Variants in GRIN2B observed in about 807,000 individuals in gnomAD.
GRIN2B encodes glutamate receptor ionotropic, NMDA 2B.
GRIN2B carries 5 observed loss-of-function variants against 114.5 expected under a neutral mutation model. That is an observed-to-expected ratio of 0.04 (90% CI 0.02 to 0.09). The LOEUF is 0.09. GRIN2B is among the 10% of genes least tolerant of loss of function. The pLI is 1.00. For missense variants in GRIN2B, 1,108 were observed against 1,943.5 expected, an observed-to-expected ratio of 0.57 and a Z score of 8.08; for synonymous variants, 787 against 745.1, an observed-to-expected ratio of 1.06 and a Z score of -0.92.
chr12:13,684,108 C>T (rs57887802), intron 4 of GRIN2B, among the ~76,000 whole-genome samples: 23 of 152,128 alleles, frequency 1.5e-4, no homozygotes, highest in Non-Finnish European at 3.1e-4. Context: ...TTTGTTCTTA[C>T]TATGATTAGT....
At chr12:13,895,592 G>T (rs189662175) in intron 2 of GRIN2B, among the ~76,000 whole-genome samples, 31 of 152,248 alleles carry the variant, frequency 2.0e-4, no homozygotes, top group Middle Eastern at 3.4e-3. Flanking sequence ...AGAAGTTCTT[G>T]AGAAATGACA....
At chr12:13,722,272 T>A (rs1003312023) in intron 4 of GRIN2B, among the ~76,000 whole-genome samples, 2 of 152,076 alleles carry the variant, frequency 1.3e-5, no homozygotes, top group African/African-American at 4.8e-5. Context: ...GGTTTTTTAA[T>A]ATATAGAATG....
chr12:13,900,178 T>C (rs1379916394), intron 2 of GRIN2B, among the ~76,000 whole-genome samples: 3 of 152,084 alleles, frequency 2.0e-5, no homozygotes, highest in Admixed American at 6.5e-5. Flanking sequence ...AATATACATA[T>C]AAAAAGTTAA....
At chr12:13,846,874 T>A (rs1375025510) in intron 3 of GRIN2B, among the ~76,000 whole-genome samples, 6 of 151,698 alleles carry the variant, frequency 4.0e-5, no homozygotes, top group Non-Finnish European at 4.4e-5. Context: ...CTAGGAACAT[T>A]GGTAAAAATA....
At chr12:13,933,741 G>A (rs1346380890) in intron 2 of GRIN2B, among the ~76,000 whole-genome samples, 1 of 152,198 alleles carries the variant, frequency 6.6e-6, no homozygotes, top group Non-Finnish European at 1.5e-5. Context: ...CTGAAGGGAT[G>A]GCTGCAGGTG....
rs939693829 is a variant in GRIN2B at position 13,538,182 on chromosome 12, T to A, written c.*24601A>T. On this transcript the variant is annotated 3_prime_UTR_variant, in exon 14 of 14. Transcript: ENST00000609686. ...TGGGACAGCCAAGGAGGCTCATCTT[T>A]CCGGAACAGTTGGCTGATGGGGACA... is the stretch of plus-strand genomic sequence containing the variant. The A allele has an allele frequency of 6.6e-6, 1 of 152,164 alleles. No homozygotes were observed. The highest frequency in any genetic ancestry group is 6.5e-5 in the Admixed American group (1 of 15,278). The allele number at this position is 152,164 out of a possible 1,614,324, so 9.4% of individuals were successfully genotyped here. A position where few individuals can be genotyped will look rare whatever the true frequency, so the allele number is the denominator to read the frequency against.
At chr12:13,643,114 T>C (rs1240829562) in intron 5 of GRIN2B, among the ~76,000 whole-genome samples, 1 of 152,188 alleles carries the variant, frequency 6.6e-6, no homozygotes, top group Non-Finnish European at 1.5e-5. Context: ...ACACTGGAAA[T>C]GTGTAAATAA....
At chr12:13,589,032 G>T (rs116792854) in intron 10 of GRIN2B, among the ~76,000 whole-genome samples, 2 of 152,136 alleles carry the variant, frequency 1.3e-5, no homozygotes, top group African/African-American at 4.8e-5. Flanking sequence ...GTCTCACAAG[G>T]TAGGGTTTCC....
At chr12:13,652,729 A>G (rs1195802022) in intron 5 of GRIN2B, among the ~76,000 whole-genome samples, 1 of 152,152 alleles carries the variant, frequency 6.6e-6, no homozygotes, top group South Asian at 2.1e-4. Flanking sequence ...GCATAAGGCA[A>G]AGAGAGTCAA....
At chr12:13,863,786 A>G (rs1464670332) in intron 3 of GRIN2B, among the ~76,000 whole-genome samples, 2 of 152,168 alleles carry the variant, frequency 1.3e-5, no homozygotes, top group African/African-American at 4.8e-5. Flanking sequence ...TTTAGGCATA[A>G]CTTTTTCTAC....
intron 5 of GRIN2B, among the ~76,000 whole-genome samples, chr12:13,643,759 A>G (rs1949740042): frequency 6.6e-6 from 1 of 152,166 alleles, no homozygotes; most frequent in Admixed American, 6.6e-5. Flanking sequence ...TTATTTCGAC[A>G]ATGTTATGGC....
chr12:13,886,148 T>G (rs1208483389), intron 2 of GRIN2B, among the ~76,000 whole-genome samples: 2 of 152,168 alleles, frequency 1.3e-5, no homozygotes, highest in Admixed American at 1.3e-4. Flanking sequence ...TTTAAGGGAA[T>G]GAAATAGACC....
chr12:13,876,737 G>T (rs1489301780), intron 2 of GRIN2B, among the ~76,000 whole-genome samples: 2 of 152,194 alleles, frequency 1.3e-5, no homozygotes, highest in Non-Finnish European at 2.9e-5. Flanking sequence ...TACAGGAAAG[G>T]CAGAAGTCAC....
At chr12:13,858,650 C>T (rs921043244) in intron 3 of GRIN2B, among the ~76,000 whole-genome samples, 1 of 151,754 alleles carries the variant, frequency 6.6e-6, no homozygotes, top group Non-Finnish European at 1.5e-5. Flanking sequence ...CGAATATTTT[C>T]TTCATGTAAT....
intron 10 of GRIN2B, among the ~76,000 whole-genome samples, chr12:13,590,222 T>C (rs1380794894): frequency 6.6e-6 from 1 of 152,104 alleles, no homozygotes; most frequent in Non-Finnish European, 1.5e-5. Context: ...AGTTTTTAAA[T>C]TTTTATTTAT....
chr12:13,595,460 C>T (rs1949059322), intron 10 of GRIN2B, among the ~76,000 whole-genome samples: 1 of 152,182 alleles, frequency 6.6e-6, no homozygotes, highest in African/African-American at 2.4e-5. Context: ...TCAAGCTATT[C>T]TGCCCATACT....
intron 12 of GRIN2B, among the ~76,000 whole-genome samples, chr12:13,567,801 C>T (rs944168503): frequency 8.6e-5 from 13 of 151,850 alleles, no homozygotes; most frequent in African/African-American, 3.1e-4. Flanking sequence ...ACAGTTCAAA[C>T]AGAAAAAGGT....
At chr12:13,829,520 T>C (rs1396839155) in intron 3 of GRIN2B, among the ~76,000 whole-genome samples, 2 of 152,244 alleles carry the variant, frequency 1.3e-5, no homozygotes, top group African/African-American at 4.8e-5. Context: ...TTGTTCTTTC[T>C]TTGCTCCCAC....
intron 10 of GRIN2B, 73 bp downstream of exon 10, chr12:13,608,530 G>T: frequency 9.3e-7 from 1 of 1,078,894 alleles, no homozygotes; most frequent in Non-Finnish European, 1.4e-6. Flanking sequence ...AGACAAGCAG[G>T]TACATGAGAA....
Sources: gnomAD v4.1 joint callset for allele counts (sites outside exome capture counted in the v4.1 genomes callset) on GRCh38, gnomAD v4.1.1 for gene constraint, MANE v1.5 for transcripts, NCBI Gene and HGNC (gene_info 2026-07-23, HGNC 2026-07-21) for gene names.